The following ARID1B variants were observed in gnomAD, a reference collection of about 807,000 sequenced individuals.
ARID1B encodes AT-rich interaction domain 1B, also known as AT-rich interactive domain-containing protein 1B.
ARID1B carries 30 observed loss-of-function variants against 212.3 expected under a neutral mutation model. The observed-to-expected ratio is 0.14, with a 90% confidence interval of 0.11 to 0.19. The LOEUF (loss-of-function observed/expected upper bound fraction) is 0.19. Among genes scored for constraint, ARID1B ranks in the 10% least tolerant of loss-of-function variants. The pLI is 1.00. For missense variants in ARID1B, 2,891 were observed against 3,204.0 expected, an observed-to-expected ratio of 0.90 and a Z score of 2.36; for synonymous variants, 1,402 against 1,301.7, an observed-to-expected ratio of 1.08 and a Z score of -1.66.
At chr6:157,149,025 C>T in intron 8 of ARID1B, 74 bp downstream of exon 8, 1 of 1,433,826 alleles carries the variant, frequency 7.0e-7, no homozygotes, top group Non-Finnish European at 9.5e-7. Context: ...GCGCACATAG[C>T]TGCATTGTTC....
intron 4 of ARID1B, among the ~76,000 whole-genome samples, chr6:157,048,342 G>T (rs1223326242): frequency 6.6e-6 from 1 of 152,156 alleles, no homozygotes; most frequent in East Asian, 1.9e-4. Context: ...ACTTGTAAAA[G>T]ATATTCCCAA....
intron 5 of ARID1B, among the ~76,000 whole-genome samples, chr6:157,100,303 A>G (rs1286152059): frequency 1.3e-5 from 2 of 152,238 alleles, no homozygotes; most frequent in African/African-American, 2.4e-5. Flanking sequence ...TATTAGAGAC[A>G]GAGGCACACA....
At chr6:156,856,730 AC>A (rs1784974824) in intron 2 of ARID1B, among the ~76,000 whole-genome samples, 1 of 147,856 alleles carries the variant, frequency 6.8e-6, no homozygotes, top group Non-Finnish European at 1.5e-5. Flanking sequence ...ACACACACAC[AC>A]ACACACACAC....
At chr6:156,926,598 G>A (rs924078827) in intron 3 of ARID1B, among the ~76,000 whole-genome samples, 3 of 152,078 alleles carry the variant, frequency 2.0e-5, no homozygotes, top group African/African-American at 7.2e-5. Flanking sequence ...TCTGGCACAC[G>A]TCACTCCACC....
At chr6:156,783,887 T>C (rs1009486944) in intron 1 of ARID1B, among the ~76,000 whole-genome samples, 4 of 152,234 alleles carry the variant, frequency 2.6e-5, no homozygotes, top group African/African-American at 4.8e-5. Flanking sequence ...GGGACTGATA[T>C]TTCACTCGTG....
At chr6:156,810,910 T>C (rs1781511226) in intron 1 of ARID1B, among the ~76,000 whole-genome samples, 1 of 152,156 alleles carries the variant, frequency 6.6e-6, no homozygotes, top group Admixed American at 6.5e-5. Context: ...ACACATCGAT[T>C]ATGTCAGTTT....
intron 4 of ARID1B, among the ~76,000 whole-genome samples, chr6:156,946,351 G>A (rs761233454): frequency 5.1e-4 from 78 of 151,778 alleles, no homozygotes; most frequent in African/African-American, 3.6e-4. Flanking sequence ...CAGTCTGGGC[G>A]ACAGAGTGAG....
intron 4 of ARID1B, among the ~76,000 whole-genome samples, chr6:157,068,188 C>T (rs571748400): frequency 7.2e-5 from 11 of 152,320 alleles, no homozygotes; most frequent in African/African-American, 1.7e-4. Context: ...CTTATCAATT[C>T]GAGCAAAATT....
At chr6:157,115,573 C>T (rs1223412297) in intron 6 of ARID1B, among the ~76,000 whole-genome samples, 1 of 152,104 alleles carries the variant, frequency 6.6e-6, no homozygotes, top group Non-Finnish European at 1.5e-5. Context: ...ACTACAGGTG[C>T]CCGCCACCAC....
At chr6:156,914,248 T>G (rs1790166167) in intron 3 of ARID1B, among the ~76,000 whole-genome samples, 1 of 152,188 alleles carries the variant, frequency 6.6e-6, no homozygotes, top group Admixed American at 6.5e-5. Flanking sequence ...CTTCTGAGAT[T>G]ACCTTTCCTA....
chr6:156,953,054 C>A (rs976369314), intron 4 of ARID1B, among the ~76,000 whole-genome samples: 1 of 152,172 alleles, frequency 6.6e-6, no homozygotes, highest in African/African-American at 2.4e-5. Flanking sequence ...TGGTCAACTG[C>A]GTAATTGTGA....
chr6:156,781,164 C>T (rs922682964), intron 1 of ARID1B, among the ~76,000 whole-genome samples: 2 of 151,978 alleles, frequency 1.3e-5, no homozygotes, highest in Non-Finnish European at 2.9e-5. Context: ...AATGAGGAAA[C>T]CACATATTTG....
At chr6:157,124,178 G>C (rs1175186409) in intron 6 of ARID1B, among the ~76,000 whole-genome samples, 1 of 152,226 alleles carries the variant, frequency 6.6e-6, no homozygotes, top group Non-Finnish European at 1.5e-5. Context: ...GTGAGATGAA[G>C]AACGAAACAA....
chr6:156,852,193 A>C (rs1784621775), intron 2 of ARID1B, among the ~76,000 whole-genome samples: 1 of 152,134 alleles, frequency 6.6e-6, no homozygotes, highest in African/African-American at 2.4e-5. Context: ...CACACCTGTA[A>C]TCCTAGCACA....
At chr6:157,039,743 C>T (rs368264471) in intron 4 of ARID1B, among the ~76,000 whole-genome samples, 2,361 of 91,970 alleles carry the variant, frequency 0.026, 70 homozygotes, top group South Asian at 0.053. Flanking sequence ...CTCCCTCCCT[C>T]CCTTCCTTCC....
intron 4 of ARID1B, among the ~76,000 whole-genome samples, chr6:157,070,809 A>G (rs1258378001): frequency 6.6e-6 from 1 of 152,264 alleles, no homozygotes; most frequent in African/African-American, 2.4e-5. Context: ...ACCTGTAAGA[A>G]GCCCATAGAA....
intron 4 of ARID1B, among the ~76,000 whole-genome samples, chr6:156,957,520 A>G (rs1794057233): frequency 6.6e-6 from 1 of 152,108 alleles, no homozygotes; most frequent in Admixed American, 6.5e-5. Context: ...GCTTTAGGAT[A>G]TGGAGTGTCC....
intron 2 of ARID1B, among the ~76,000 whole-genome samples, chr6:156,846,444 C>T (rs926296656): frequency 9.2e-5 from 14 of 151,808 alleles, no homozygotes; most frequent in African/African-American, 3.4e-4. Context: ...GGATTACAGG[C>T]TGAGCCACCG....
At chr6:157,096,558 G>C (rs955217419) in intron 5 of ARID1B, among the ~76,000 whole-genome samples, 1 of 152,208 alleles carries the variant, frequency 6.6e-6, no homozygotes, top group Non-Finnish European at 1.5e-5. Context: ...GGTCGTGCTC[G>C]AGAACCTTCC....
Sources: gnomAD v4.1 joint callset for allele counts (sites outside exome capture counted in the v4.1 genomes callset) on GRCh38, gnomAD v4.1.1 for gene constraint, MANE v1.5 for transcripts, NCBI Gene and HGNC (gene_info 2026-07-23, HGNC 2026-07-21) for gene names.